Variants in HMCN1 observed in about 807,000 individuals in gnomAD.
HMCN1 encodes the protein hemicentin-1.
In HMCN1, 321 loss-of-function variants were observed where a neutral mutation model predicts 625.9. The ratio of observed to expected loss-of-function variants is 0.51; its 90% CI spans 0.47 to 0.56. HMCN1 has a LOEUF of 0.56. HMCN1 is among the 20% of genes least tolerant of loss of function. The pLI is 0.00. For synonymous variants in HMCN1, 2,425 were observed against 2,417.6 expected (o/e 1.00, Z -0.09); for missense variants, 6,588 against 6,887.3 (o/e 0.96, Z 1.54).
intron 1 of HMCN1, among the ~76,000 whole-genome samples, chr1:185,755,501 GC>G (rs1486902630): frequency 1.3e-5 from 2 of 152,150 alleles, no homozygotes; most frequent in African/African-American, 4.8e-5. Context: ...GTGCTGCTAG[GC>G]CTCATGGCGT....
chr1:186,052,186 C>G (rs2102275942), intron 42 of HMCN1, among the ~76,000 whole-genome samples: 1 of 151,956 alleles, frequency 6.6e-6, no homozygotes, highest in South Asian at 2.1e-4. Flanking sequence ...ATATGAGCCT[C>G]AAAGGAATAG....
intron 6 of HMCN1, among the ~76,000 whole-genome samples, chr1:185,917,581 A>G (rs1162441072): frequency 6.6e-6 from 1 of 152,176 alleles, no homozygotes; most frequent in Non-Finnish European, 1.5e-5. Flanking sequence ...GGTCTGAGGA[A>G]TATCTAAGAA....
intron 4 of HMCN1, among the ~76,000 whole-genome samples, chr1:185,901,636 A>G (rs764283050): frequency 2.0e-5 from 3 of 151,812 alleles, no homozygotes; most frequent in African/African-American, 2.4e-5. Context: ...CAAAACAATG[A>G]TCCAGTTATG....
intron 1 of HMCN1, among the ~76,000 whole-genome samples, chr1:185,829,141 G>GTGAACAATTTGAAAAAT (rs2102284614): frequency 6.6e-6 from 1 of 152,158 alleles, no homozygotes; most frequent in South Asian, 2.1e-4. Flanking sequence ...TAAACTCAAG[G>GTGAACAATTTGAAAAAT]TGAACAATTT....
chr1:185,744,327 T>A (rs1319008079), intron 1 of HMCN1, among the ~76,000 whole-genome samples: 2 of 152,100 alleles, frequency 1.3e-5, no homozygotes, highest in Non-Finnish European at 2.9e-5. Context: ...AGGCAAAGGA[T>A]GTTTCAAACC....
intron 68 of HMCN1, 70 bp downstream of exon 68, chr1:186,095,591 A>G (rs1660097467): frequency 6.7e-6 from 10 of 1,499,960 alleles, no homozygotes; most frequent in Middle Eastern, 1.8e-4. Context: ...GTAAATAAGT[A>G]TAATTCTGAG....
At position 185,862,386 on chromosome 1, in the gene HMCN1, T is replaced by C. The variant is rs1571463070; in HGVS notation, c.340-2084T>C. ...TGAAGAGAAAGGGAAGGGACAGATT[T>C]ATGGAAGTCGAATGAATGACCACTG... On this transcript the variant is annotated intron_variant, in intron 2 of 106. Transcript: ENST00000271588. Among the ~76,000 whole-genome samples the C allele has an allele frequency of 4.6e-5, 7 of 152,162 alleles. 1 individual carries two copies. The South Asian group carries it at 1.5e-3, about 32-fold the overall frequency.
intron 1 of HMCN1, among the ~76,000 whole-genome samples, chr1:185,838,904 A>G (rs1571427327): frequency 6.6e-6 from 1 of 152,320 alleles, no homozygotes; most frequent in East Asian, 1.9e-4. Flanking sequence ...GTATTTAGGG[A>G]ATACACATAT....
intron 1 of HMCN1, among the ~76,000 whole-genome samples, chr1:185,752,898 C>G (rs932929054): frequency 1.3e-5 from 2 of 152,066 alleles, no homozygotes; most frequent in South Asian, 4.1e-4. Context: ...AATTATAGGT[C>G]AACTTCCTTT....
intron 89 of HMCN1, among the ~76,000 whole-genome samples, chr1:186,142,118 G>A (rs1650006108): frequency 6.6e-6 from 1 of 152,128 alleles, no homozygotes. Context: ...ACTAAGCATA[G>A]TATCCAAATT....
intron 1 of HMCN1, among the ~76,000 whole-genome samples, chr1:185,793,527 C>A (rs1317700621): frequency 1.3e-5 from 2 of 152,092 alleles, no homozygotes; most frequent in African/African-American, 4.8e-5. Flanking sequence ...TCCCTTTTGC[C>A]ATATAAAGTT....
chr1:186,040,012 AC>A, intron 39 of HMCN1, 133 bp downstream of exon 39: 1 of 838,436 alleles, frequency 1.2e-6, no homozygotes, highest in Non-Finnish European at 2.0e-6. Flanking sequence ...CACATATGCA[AC>A]CATAAACACC....
intron 1 of HMCN1, among the ~76,000 whole-genome samples, chr1:185,830,207 C>A (rs112385666): frequency 5.9e-5 from 9 of 151,980 alleles, no homozygotes; most frequent in Admixed American, 2.6e-4. Flanking sequence ...TACCTGTTCA[C>A]TCTGATGATA....
intron 11 of HMCN1, among the ~76,000 whole-genome samples, chr1:185,944,405 T>A (rs755769521): frequency 6.6e-6 from 1 of 152,160 alleles, no homozygotes; most frequent in Non-Finnish European, 1.5e-5. Flanking sequence ...AATTCATCCA[T>A]GTAACAGAGA....
intron 64 of HMCN1, among the ~76,000 whole-genome samples, chr1:186,091,423 C>T (rs533211467): frequency 1.3e-5 from 2 of 152,096 alleles, no homozygotes; most frequent in African/African-American, 4.8e-5. Flanking sequence ...GTGGTTTGTT[C>T]AGATGCCATT....
At chr1:185,779,816 T>G (rs570790295) in intron 1 of HMCN1, among the ~76,000 whole-genome samples, 1 of 152,118 alleles carries the variant, frequency 6.6e-6, no homozygotes, top group Non-Finnish European at 1.5e-5. Flanking sequence ...TTTAGGATTG[T>G]CTTGGCAATG....
At chr1:185,819,609 C>T (rs569419846) in intron 1 of HMCN1, among the ~76,000 whole-genome samples, 150 of 152,214 alleles carry the variant, frequency 9.9e-4, no homozygotes, top group Non-Finnish European at 1.1e-3. Flanking sequence ...AATAATTTTG[C>T]ACCTGCTTCT....
At chr1:186,115,591 A>G (rs1378112625) in intron 75 of HMCN1, among the ~76,000 whole-genome samples, 177 bp downstream of exon 75, 2 of 152,184 alleles carry the variant, frequency 1.3e-5, no homozygotes, top group Non-Finnish European at 2.9e-5. Flanking sequence ...TTTCTGAATT[A>G]TAGGTCATCT....
At chr1:186,166,340 G>C in intron 99 of HMCN1, 37 bp downstream of exon 99, 1 of 1,613,118 alleles carries the variant, frequency 6.2e-7, no homozygotes, top group East Asian at 2.2e-5. Flanking sequence ...TAAGCAATGG[G>C]TCAAGGATTT....
Sources: gnomAD v4.1 joint callset for allele counts (sites outside exome capture counted in the v4.1 genomes callset) on GRCh38, gnomAD v4.1.1 for gene constraint, MANE v1.5 for transcripts, NCBI Gene and HGNC (gene_info 2026-07-23, HGNC 2026-07-21) for gene names.